Variants in STAT4 observed in about 807,000 individuals in gnomAD.
The protein encoded by STAT4 is signal transducer and activator of transcription 4.
In STAT4, 42 loss-of-function variants were observed where a neutral mutation model predicts 110.5. The observed-to-expected ratio is 0.38, with a 90% confidence interval of 0.30 to 0.49. The LOEUF is 0.49. STAT4 is among the 20% of genes least tolerant of loss of function. The pLI is 0.95. For missense variants in STAT4, 632 were observed against 887.9 expected (o/e 0.71, Z 3.66); for synonymous variants, 284 against 302.2 (o/e 0.94, Z 0.63).
chr2:191,133,418 A>C (rs1699096379), intron 3 of STAT4, among the ~76,000 whole-genome samples: 1 of 151,236 alleles, frequency 6.6e-6, no homozygotes. Flanking sequence ...GCTATGGAGG[A>C]AAATAATGTA....
Position 191,031,451 on chromosome 2 carries a change from T to C in STAT4, c.2110A>G (p.Ile704Val). 1 of 1,612,004 alleles carries C rather than the reference T, an allele frequency of 6.2e-7. No individual in the cohort carries two copies. The highest frequency in any genetic ancestry group is 8.5e-7 in the Non-Finnish European group (1 of 1,179,182). ...TCACATGTGACTAACATTACTCACA[T>C]TGTTGAGATGGGGATAAAAACAGAA... ...VPSVFIPISTIRSDSTEPHSP... is the reference protein window; with the variant it reads ...VPSVFIPISTVRSDSTEPHSP... Residue 704 changes from isoleucine to valine, a missense_variant and splice_region_variant, in exon 22 of 24, where the codon ATC becomes GTC. Transcript: ENST00000392320. The surrounding 1 kb of genome is among the most constrained non-coding windows in gnomAD (Gnocchi z 4.8).
At position 191,058,587 on chromosome 2, in the gene STAT4, T is replaced by C. The variant is rs1252482122; in HGVS notation, c.1094+123A>G. On this transcript the variant is annotated intron_variant, in intron 11 of 23. Transcript: ENST00000392320. This position sits in a 1 kb window ranked among gnomAD's most constrained non-coding sequence, Gnocchi z 4.3. The stretch of plus-strand genomic sequence containing the variant: ...TTCAAAGTCAAATATTTGAAGTACA[T>C]TCATTATATAATGTTAGATAAGTAA... The C allele has an allele frequency of 1.1e-5, 7 of 656,622 alleles. No homozygotes were observed. Among genetic ancestry groups the C allele is most frequent in the Admixed American group, 3.3e-5 (1 of 30,324 alleles). The allele number at this position is 656,622 out of a possible 1,614,324, so 40.7% of individuals were successfully genotyped here.
At chr2:191,055,859 A>G (rs1696675623) in intron 13 of STAT4, among the ~76,000 whole-genome samples, 1 of 152,126 alleles carries the variant, frequency 6.6e-6, no homozygotes, top group Admixed American at 6.6e-5. Context: ...TTTTTGGGAG[A>G]CAGACATTTC....
At chr2:191,148,889 A>G (rs919004407) in intron 1 of STAT4, among the ~76,000 whole-genome samples, 8 of 152,178 alleles carry the variant, frequency 5.3e-5, no homozygotes, top group African/African-American at 1.2e-4. Flanking sequence ...TAAAGGATGT[A>G]GTCTTTTTGT....
rs750045399 is a variant in STAT4, at chr2:191,091,824, T to C, written c.274-15499A>G. The stretch of plus-strand genomic sequence containing the variant: ...GGTATTCACTTTGACTCCAGAGTGT[T>C]GACTTACTTTTAACCAATTAACCAT... On this transcript the variant is annotated intron_variant, in intron 3 of 23. Coordinates refer to ENST00000392320, the MANE Select transcript of STAT4 (RefSeq NM_003151.4). This position sits in a 1 kb window ranked among gnomAD's most constrained non-coding sequence, Gnocchi z 5.4. Among the ~76,000 whole-genome samples the C allele has an allele frequency of 6.6e-6, 1 of 152,206 alleles. No homozygotes were observed. The highest frequency in any genetic ancestry group is 1.5e-5 in the Non-Finnish European group (1 of 68,046).
At chr2:191,063,440 G>C (rs188604663) in intron 8 of STAT4, among the ~76,000 whole-genome samples, 20 of 152,246 alleles carry the variant, frequency 1.3e-4, no homozygotes, top group Admixed American at 2.6e-4. Context: ...TTTAGAGTAA[G>C]GTATATTTAG....
At position 191,146,374 on chromosome 2, in the gene STAT4, G is replaced by A. The variant is rs1189508141; in HGVS notation, c.273+239C>T. On this transcript the variant is annotated intron_variant, in intron 3 of 23. Coordinates refer to ENST00000392320, the MANE Select transcript of STAT4 (RefSeq NM_003151.4). The surrounding 1 kb of genome is among the most constrained non-coding windows in gnomAD (Gnocchi z 4.5). ...TAGCTAGTAAACAAGATACATGCAA[G>A]TCCCACATGCAACACACTTGTAATG... Among the ~76,000 whole-genome samples, 3 of 152,110 alleles carry A rather than the reference G, an allele frequency of 2.0e-5. No homozygotes were observed. Among genetic ancestry groups the A allele is most frequent in the East Asian group, 3.8e-4 (2 of 5,198 alleles).
chr2:191,108,043 C>G (rs1200300023), intron 3 of STAT4, among the ~76,000 whole-genome samples: 1 of 152,058 alleles, frequency 6.6e-6, no homozygotes, highest in Non-Finnish European at 1.5e-5. Context: ...GTAATCCCAG[C>G]ACTTTGGGAG....
chr2:191,045,882 C>T (rs1248395408), intron 14 of STAT4, among the ~76,000 whole-genome samples: 3 of 152,134 alleles, frequency 2.0e-5, no homozygotes, highest in Admixed American at 6.5e-5. Context: ...AAAAGTACTC[C>T]CAGCACGTCA....
chr2:191,104,347 C>T lies in STAT4; in HGVS notation c.274-28022G>A, dbSNP rs1239243817. On this transcript the variant is annotated intron_variant, in intron 3 of 23. Transcript: ENST00000392320. The surrounding 1 kb of genome is among the most constrained non-coding windows in gnomAD (Gnocchi z 4.3). ...AAGTTAAACTAATGAATTAGTTTTT[C>T]CCACGTTTAGTTCTCACTAACATTT... Among the ~76,000 whole-genome samples the T allele has an allele frequency of 1.3e-5, 2 of 151,994 alleles. No homozygotes were observed. Among genetic ancestry groups the T allele is most frequent in the Non-Finnish European group, 2.9e-5 (2 of 67,984 alleles).
intron 3 of STAT4, among the ~76,000 whole-genome samples, chr2:191,134,405 T>C (rs188761593): frequency 3.3e-5 from 5 of 152,250 alleles, no homozygotes; most frequent in Admixed American, 2.0e-4. Context: ...CTGGACTTGC[T>C]AACACTGGTG....
At chr2:191,092,483 A>G (rs373309198) in intron 3 of STAT4, among the ~76,000 whole-genome samples, 1 of 152,124 alleles carries the variant, frequency 6.6e-6, no homozygotes, top group East Asian at 1.9e-4. Context: ...TAATGGTAGG[A>G]AATGGTCCAT....
rs187849667 is a variant in STAT4, at chr2:191,119,602, C to A, written c.273+27011G>T. 2.2e-3 allele frequency among the ~76,000 whole-genome samples: 336 copies of A among 152,024 alleles called. 1 individual carries two copies. Among genetic ancestry groups the A allele is most frequent in the African/African-American group, 7.4e-3 (308 of 41,456 alleles). ...AATTATTAAGATGTCATTTTTTCCC[C>A]AAAATTATCTATAGATTTAGTGTAA... is the stretch of plus-strand genomic sequence containing the variant. On this transcript the variant is annotated intron_variant, in intron 3 of 23. Transcript: ENST00000392320.
chr2:191,130,046 T>A lies in STAT4; in HGVS notation c.273+16567A>T, dbSNP rs576601088. Among the ~76,000 whole-genome samples, 83 of 152,296 alleles carry A rather than the reference T, an allele frequency of 5.4e-4. 1 individual carries two copies. Among genetic ancestry groups the A allele is most frequent in the Admixed American group, 5.4e-3 (82 of 15,296 alleles). On this transcript the variant is annotated intron_variant, in intron 3 of 23. Coordinates refer to ENST00000392320, the MANE Select transcript of STAT4 (RefSeq NM_003151.4). ...CTAATTAATTTCATTTAGGAATTCCTTCCTTGAAGGTATCTTTGAGGTGAA... is the reference window on the plus strand; with the variant it reads ...CTAATTAATTTCATTTAGGAATTCCATCCTTGAAGGTATCTTTGAGGTGAA...
In STAT4 at chr2:191,083,776, G is replaced by A. The variant is rs1455121532; in HGVS notation, c.274-7451C>T. On this transcript the variant is annotated intron_variant, in intron 3 of 23. Transcript: ENST00000392320. The surrounding 1 kb of genome is among the most constrained non-coding windows in gnomAD (Gnocchi z 4.6). ...TTCCTCGCCAATGTCAAACACACTG[G>A]CCTGTGTGGGTATCAAACTGACTTA... Among the ~76,000 whole-genome samples, 1 of 151,964 alleles carries A rather than the reference G, an allele frequency of 6.6e-6. No homozygotes were observed. Among genetic ancestry groups the A allele is most frequent in the Non-Finnish European group, 1.5e-5 (1 of 68,006 alleles).
intron 3 of STAT4, among the ~76,000 whole-genome samples, chr2:191,088,121 G>T (rs1266408852): frequency 1.3e-5 from 2 of 152,104 alleles, no homozygotes; most frequent in Non-Finnish European, 2.9e-5. Flanking sequence ...CAGGTGAATT[G>T]TCCACATGTG....
In STAT4 at chr2:191,150,805, C is replaced by T. The variant is rs1196745583; in HGVS notation, c.-2+142G>A. The stretch of plus-strand genomic sequence containing the variant: ...CTGTGGGTCGTGGAGTCGGGCGCTT[C>T]CTTCTATAATAAGCCTCCTCAGGAA... On this transcript the variant is annotated intron_variant, in intron 1 of 23. Transcript: ENST00000392320. The surrounding 1 kb of genome is among the most constrained non-coding windows in gnomAD (Gnocchi z 6.4). The T allele has an allele frequency of 4.2e-6, 3 of 722,010 alleles. No homozygotes were observed. The highest frequency in any genetic ancestry group is 3.8e-5 in the African/African-American group (2 of 52,062). 44.7% of individuals were successfully genotyped at this position (722,010 alleles called of 1,614,324 possible). A position where few individuals can be genotyped will look rare whatever the true frequency, so the allele number is the denominator to read the frequency against.
At chr2:191,123,256 C>T (rs1026737854) in intron 3 of STAT4, among the ~76,000 whole-genome samples, 1 of 152,192 alleles carries the variant, frequency 6.6e-6, no homozygotes, top group Non-Finnish European at 1.5e-5. Context: ...GAGCTCCTGA[C>T]TTAGCTCCTG....
chr2:191,137,411 C>A (rs1228933172), intron 3 of STAT4, among the ~76,000 whole-genome samples: 1 of 152,074 alleles, frequency 6.6e-6, no homozygotes, highest in Non-Finnish European at 1.5e-5. Flanking sequence ...GAATTAATAT[C>A]ATTAAAATGA....
Sources: allele counts gnomAD v4.1 joint callset (sites outside exome capture counted in the v4.1 genomes callset), GRCh38; gene constraint gnomAD v4.1.1; non-coding constraint Gnocchi (gnomAD v3.1); transcripts MANE v1.5; gene names NCBI Gene and HGNC (gene_info 2026-07-23, HGNC 2026-07-21).